GRIK1: variants seen among roughly 807,000 people sequenced by gnomAD.
The protein encoded by GRIK1 is glutamate receptor ionotropic, kainate 1.
GRIK1 carries 69 observed loss-of-function variants against 105.7 expected under a neutral mutation model. The observed-to-expected ratio is 0.65, with a 90% CI of 0.54 to 0.80. The LOEUF is 0.80. Ranked by LOEUF, GRIK1 falls within the 30% of genes least tolerant of loss-of-function variation. The pLI is 0.00. For missense variants in GRIK1, 1,109 were observed against 1,167.3 expected (o/e 0.95, Z 0.73); for synonymous variants, 438 against 431.3 (o/e 1.02, Z -0.19).
chr21:29,618,192 A>G (rs1268895984), intron 7 of GRIK1, among the ~76,000 whole-genome samples: 6 of 152,168 alleles, frequency 3.9e-5, no homozygotes, highest in African/African-American at 1.2e-4. Context: ...ATCCCTATTA[A>G]TGTACACATG....
In GRIK1 at chr21:29,596,588, A is replaced by G. The variant is rs752041893; in HGVS notation, c.1207-18T>C. The G allele has an allele frequency of 5.7e-6, 9 of 1,581,668 alleles. No individual in the cohort carries two copies. Among genetic ancestry groups the G allele is most frequent in the Non-Finnish European group, 7.8e-6 (9 of 1,150,552 alleles). On this transcript the variant is annotated intron_variant, in intron 8 of 17. Transcript: ENST00000327783. ...CCAGCAGCCTTGGTTTTCAGAGAGAAAAATAAAATAAAAACAGCACTTAAT... is the reference window on the plus strand; with the variant it reads ...CCAGCAGCCTTGGTTTTCAGAGAGAGAAATAAAATAAAAACAGCACTTAAT...
chr21:29,757,383 C>T (rs1328879476), intron 1 of GRIK1, among the ~76,000 whole-genome samples: 3 of 152,146 alleles, frequency 2.0e-5, no homozygotes, highest in Non-Finnish European at 4.4e-5. Flanking sequence ...TCACATAGTG[C>T]TAATATTATA....
intron 1 of GRIK1, among the ~76,000 whole-genome samples, chr21:29,731,170 G>A (rs985687026): frequency 1.3e-5 from 2 of 152,190 alleles, no homozygotes; most frequent in Non-Finnish European, 2.9e-5. Flanking sequence ...GAATGAGCAG[G>A]AGCACTGTCA....
At chr21:29,669,265 G>A (rs1253542394) in intron 4 of GRIK1, among the ~76,000 whole-genome samples, 1 of 152,058 alleles carries the variant, frequency 6.6e-6, no homozygotes, top group Non-Finnish European at 1.5e-5. Flanking sequence ...AAGTGCCTTT[G>A]ATTTCTTCTT....
At chr21:29,564,251 C>T (rs2090557068) in intron 14 of GRIK1, among the ~76,000 whole-genome samples, 1 of 151,986 alleles carries the variant, frequency 6.6e-6, no homozygotes, top group Admixed American at 6.5e-5. Context: ...GGGTTCACGC[C>T]ATTCTCCTGC....
intron 1 of GRIK1, among the ~76,000 whole-genome samples, chr21:29,862,325 T>C (rs1410127489): frequency 1.3e-5 from 2 of 152,230 alleles, no homozygotes; most frequent in Non-Finnish European, 2.9e-5. Context: ...TCATCTTTTT[T>C]CCTCCACCAA....
At chr21:29,877,430 T>G (rs1419202031) in intron 1 of GRIK1, among the ~76,000 whole-genome samples, 1 of 152,148 alleles carries the variant, frequency 6.6e-6, no homozygotes, top group African/African-American at 2.4e-5. Context: ...TATATTACTA[T>G]TGTTCACAAA....
At chr21:29,709,407 A>G (rs1241184866) in intron 1 of GRIK1, among the ~76,000 whole-genome samples, 4 of 151,278 alleles carry the variant, frequency 2.6e-5, no homozygotes, top group African/African-American at 7.3e-5. Context: ...CAGCATCCCA[A>G]GTAGCTGGGA....
intron 1 of GRIK1, among the ~76,000 whole-genome samples, chr21:29,815,577 A>G (rs1389177250): frequency 2.0e-5 from 3 of 152,166 alleles, no homozygotes; most frequent in Non-Finnish European, 4.4e-5. Context: ...CCCACTGACT[A>G]AAGAAAGATA....
chr21:29,574,904 C>T (rs1228230084), intron 14 of GRIK1, among the ~76,000 whole-genome samples: 1 of 151,726 alleles, frequency 6.6e-6, no homozygotes, highest in Non-Finnish European at 1.5e-5. Flanking sequence ...CCGTGTTAGC[C>T]AGGATGGTCT....
intron 1 of GRIK1, among the ~76,000 whole-genome samples, chr21:29,837,965 T>C (rs2067857814): frequency 6.6e-6 from 1 of 152,158 alleles, no homozygotes; most frequent in Non-Finnish European, 1.5e-5. Flanking sequence ...AATTTCATAA[T>C]TTTGGAAAGG....
At chr21:29,711,377 C>G (rs1365240346) in intron 1 of GRIK1, among the ~76,000 whole-genome samples, 1 of 152,032 alleles carries the variant, frequency 6.6e-6, no homozygotes, top group South Asian at 2.1e-4. Flanking sequence ...ACCATATAGC[C>G]TACATGTGTA....
At chr21:29,601,361 G>A (rs1271511180) in intron 7 of GRIK1, 2 of 358,340 alleles carry the variant, frequency 5.6e-6, no homozygotes, top group Non-Finnish European at 1.2e-5. Context: ...GCAGATGGTA[G>A]AATGTGGGAC....
chr21:29,830,902 A>G (rs1459714912), intron 1 of GRIK1, among the ~76,000 whole-genome samples: 1 of 152,142 alleles, frequency 6.6e-6, no homozygotes, highest in South Asian at 2.1e-4. Context: ...ACAAAAATAT[A>G]TTAATGATAT....
chr21:29,740,462 C>T (rs556816587), intron 1 of GRIK1, among the ~76,000 whole-genome samples: 42 of 152,194 alleles, frequency 2.8e-4, no homozygotes, highest in Non-Finnish European at 5.4e-4. Context: ...ATGATCTGCC[C>T]GCCTCGGTCT....
chr21:29,813,771 C>T (rs1259163786), intron 1 of GRIK1, among the ~76,000 whole-genome samples: 1 of 152,034 alleles, frequency 6.6e-6, no homozygotes, highest in Admixed American at 6.6e-5. Context: ...GATTTGATCT[C>T]CTTACATAAT....
In GRIK1 at chr21:29,605,709, G is replaced by T. The variant is rs148188121; in HGVS notation, c.1099-6772C>A. 2.9e-3 allele frequency among the ~76,000 whole-genome samples: 437 copies of T among 152,026 alleles called. 4 individuals are homozygous for T. Among genetic ancestry groups the T allele is most frequent in the African/African-American group, 9.8e-3 (407 of 41,488 alleles). ...CAGTGTGAAAGCATCCCTTTTTCTC[G>T]GCAACCTCGCCAGCATCTGTTGAAA... is the stretch of plus-strand genomic sequence containing the variant. On this transcript the variant is annotated intron_variant, in intron 7 of 17. Coordinates refer to ENST00000327783, the MANE Select transcript of GRIK1 (RefSeq NM_001330994.2).
At chr21:29,602,348 G>T (rs1279583796) in intron 7 of GRIK1, among the ~76,000 whole-genome samples, 1 of 152,076 alleles carries the variant, frequency 6.6e-6, no homozygotes, top group African/African-American at 2.4e-5. Flanking sequence ...TACAGAATTT[G>T]GTTCAATTAT....
At chr21:29,579,678 T>A (rs1910318242) in intron 13 of GRIK1, among the ~76,000 whole-genome samples, 1 of 152,008 alleles carries the variant, frequency 6.6e-6, no homozygotes, top group Admixed American at 6.6e-5. Flanking sequence ...GTACCTCAAG[T>A]TTGTATCTGG....
Sources: gnomAD v4.1 joint callset for allele counts (sites outside exome capture counted in the v4.1 genomes callset) on GRCh38, gnomAD v4.1.1 for gene constraint, MANE v1.5 for transcripts, NCBI Gene and HGNC (gene_info 2026-07-23, HGNC 2026-07-21) for gene names.